ARHGAP18: variants seen among roughly 807,000 people sequenced by gnomAD.
ARHGAP18 encodes the protein Rho GTPase activating protein 18, also known as rho GTPase-activating protein 18.
ARHGAP18 carries 67 observed loss-of-function variants against 86.2 expected under a neutral mutation model. The observed-to-expected ratio is 0.78, with a 90% CI of 0.64 to 0.95. The LOEUF is 0.95. Among genes scored for constraint, ARHGAP18 ranks in the 40% least tolerant of loss-of-function variants. The probability of loss-of-function intolerance (pLI) is 0.00; values close to 1 mark genes in which losing one functional copy is unlikely to be tolerated. For synonymous variants in ARHGAP18, 283 were observed against 280.4 expected, an observed-to-expected ratio of 1.01 and a Z score of -0.09; for missense variants, 691 against 780.4, an observed-to-expected ratio of 0.89 and a Z score of 1.37.
At chr6:129,683,549 A>T (rs1774365190) in intron 1 of ARHGAP18, among the ~76,000 whole-genome samples, 1 of 152,244 alleles carries the variant, frequency 6.6e-6, no homozygotes. Flanking sequence ...ATTTACGTAT[A>T]AACAACCAAT....
intron 7 of ARHGAP18, among the ~76,000 whole-genome samples, chr6:129,615,560 G>T (rs1349418040): frequency 6.6e-6 from 1 of 152,188 alleles, no homozygotes; most frequent in Non-Finnish European, 1.5e-5. Context: ...ATATGCCTGG[G>T]CTGCTGCAAA....
At chr6:129,666,690 A>T (rs1419829273) in intron 1 of ARHGAP18, among the ~76,000 whole-genome samples, 1 of 152,158 alleles carries the variant, frequency 6.6e-6, no homozygotes, top group African/African-American at 2.4e-5. Flanking sequence ...TTATAAACTG[A>T]TTTACATCCT....
intron 3 of ARHGAP18, 141 bp downstream of exon 3, chr6:129,638,251 CTT>C (rs1201532632): frequency 2.3e-5 from 19 of 813,404 alleles, no homozygotes; most frequent in South Asian, 3.4e-5. Flanking sequence ...GCAAGTCTCT[CTT>C]GTTTCCTGCA....
chr6:129,627,134 T>G (rs958112366), intron 5 of ARHGAP18, among the ~76,000 whole-genome samples: 2 of 152,120 alleles, frequency 1.3e-5, no homozygotes, highest in Non-Finnish European at 2.9e-5. Flanking sequence ...TTTACAAATA[T>G]ATATAATTCC....
At chr6:129,625,900 A>G (rs1472424942) in intron 5 of ARHGAP18, among the ~76,000 whole-genome samples, 2 of 73,944 alleles carry the variant, frequency 2.7e-5, no homozygotes, top group African/African-American at 5.2e-5. Context: ...TATATTATAT[A>G]TTTATATATT....
In ARHGAP18 at chr6:129,576,928, G is replaced by A. The variant is rs756334107; in HGVS notation, c.*1585C>T. On this transcript the variant is annotated 3_prime_UTR_variant, in exon 15 of 15. Coordinates refer to ENST00000368149, the MANE Select transcript of ARHGAP18 (RefSeq NM_033515.3). Reference sequence around the variant, plus strand: ...TTGTAAAAGGAAAAAAACTAAAGACGAAAACATATTTACATCTCTGACATC... The same window carrying A: ...TTGTAAAAGGAAAAAAACTAAAGACAAAAACATATTTACATCTCTGACATC... 3.1e-4 allele frequency: 47 copies of A among 151,796 alleles called. 1 individual carries two copies. The highest frequency in any genetic ancestry group is 5.0e-4 in the Non-Finnish European group (34 of 67,896). 9.4% of individuals were successfully genotyped at this position (151,796 alleles called of 1,614,324 possible). A position where few individuals can be genotyped will look rare whatever the true frequency, so the allele number is the denominator to read the frequency against.
intron 12 of ARHGAP18, among the ~76,000 whole-genome samples, chr6:129,589,936 G>A (rs932254182): frequency 6.6e-6 from 1 of 152,188 alleles, no homozygotes; most frequent in Non-Finnish European, 1.5e-5. Context: ...ATTGGTGTAA[G>A]TCCAAGGGTC....
chr6:129,683,633 G>A (rs2114539428), intron 1 of ARHGAP18, among the ~76,000 whole-genome samples: 1 of 152,278 alleles, frequency 6.6e-6, no homozygotes, highest in South Asian at 2.1e-4. Flanking sequence ...GAAGAAAAAA[G>A]CCCTGATGAG....
At chr6:129,639,094 A>G (rs1003349916) in intron 2 of ARHGAP18, among the ~76,000 whole-genome samples, 3 of 152,222 alleles carry the variant, frequency 2.0e-5, no homozygotes, top group Non-Finnish European at 4.4e-5. Flanking sequence ...GAAGTGCAGC[A>G]AAGAAGTTAA....
intron 1 of ARHGAP18, among the ~76,000 whole-genome samples, chr6:129,658,674 C>A (rs1185497140): frequency 1.3e-5 from 2 of 152,170 alleles, no homozygotes; most frequent in Non-Finnish European, 2.9e-5. Flanking sequence ...TTATAGGTAA[C>A]AGTAACATCT....
chr6:129,674,497 G>A (rs536371890), intron 1 of ARHGAP18, among the ~76,000 whole-genome samples: 7 of 152,330 alleles, frequency 4.6e-5, no homozygotes, highest in Non-Finnish European at 1.0e-4. Flanking sequence ...TGTGGATTCA[G>A]CCAACCATGG....
At chr6:129,662,037 C>T (rs370586779) in intron 1 of ARHGAP18, 2 of 397,842 alleles carry the variant, frequency 5.0e-6, no homozygotes, top group African/African-American at 4.3e-5. Flanking sequence ...AAGATCCACG[C>T]AAGCTGCAGC....
Position 129,638,597 on chromosome 6 carries a change from C to T in ARHGAP18, c.349G>A (p.Ala117Thr), listed in dbSNP as rs375107476. Residue 117 changes from alanine to threonine, a missense_variant, in exon 3 of 15, where the codon GCC (alanine) becomes ACC (threonine). Ala to Thr is a moderately conservative substitution (Grantham distance 58). Transcript: ENST00000368149. ...TCTCCGAAGAGATTGGATAAACCGG[C>T]CTCTTTAAGCCACTCTTCTTCCAAT... ...GELEEEWLKE[A>T]GLSNLFGESA... 4 of 1,614,006 alleles carry T rather than the reference C, an allele frequency of 2.5e-6. No homozygotes were observed. The highest frequency in any genetic ancestry group is 3.4e-6 in the Non-Finnish European group (4 of 1,179,994).
chr6:129,581,471 TC>T (rs2114424804), intron 13 of ARHGAP18, among the ~76,000 whole-genome samples: 1 of 152,170 alleles, frequency 6.6e-6, no homozygotes, highest in East Asian at 1.9e-4. Flanking sequence ...CTAAAGAGAG[TC>T]CCTATTTCTG....
At chr6:129,699,089 G>A (rs1282441529) in intron 1 of ARHGAP18, among the ~76,000 whole-genome samples, 2 of 151,948 alleles carry the variant, frequency 1.3e-5, no homozygotes, top group South Asian at 2.1e-4. Context: ...CACCAACCTC[G>A]GCCTCCCAAA....
At position 129,641,308 on chromosome 6, in the gene ARHGAP18, G is replaced by C. The variant is rs74410829; in HGVS notation, c.316+508C>G. The stretch of plus-strand genomic sequence containing the variant: ...TATGAAAGGCTATCATGTAAAAATA[G>C]AAGAGCCTTCTTCTGTTCGTCCCAA... On this transcript the variant is annotated intron_variant, in intron 2 of 14. Coordinates refer to ENST00000368149, the MANE Select transcript of ARHGAP18 (RefSeq NM_033515.3). 1.0e-3 allele frequency among the ~76,000 whole-genome samples: 154 copies of C among 152,328 alleles called. 2 individuals carry two copies. The highest frequency in any genetic ancestry group is 3.5e-3 in the African/African-American group (147 of 41,584).
intron 2 of ARHGAP18, 79 bp downstream of exon 2, chr6:129,641,737 T>C (rs1773468379): frequency 7.5e-7 from 1 of 1,325,274 alleles, no homozygotes; most frequent in Admixed American, 2.3e-5. Context: ...AATTTTTTTT[T>C]TGTTCTCTTC....
chr6:129,632,227 G>C (rs1773233803), intron 4 of ARHGAP18, among the ~76,000 whole-genome samples: 1 of 152,166 alleles, frequency 6.6e-6, no homozygotes. Context: ...GTGCAATAGG[G>C]AATACTCAGT....
At chr6:129,605,079 T>C (rs1378218274) in intron 10 of ARHGAP18, among the ~76,000 whole-genome samples, 3 of 152,280 alleles carry the variant, frequency 2.0e-5, no homozygotes, top group East Asian at 3.9e-4. Context: ...TTTACCCATA[T>C]AAAAAATATT....
Sources: allele counts gnomAD v4.1 joint callset (sites outside exome capture counted in the v4.1 genomes callset), GRCh38; gene constraint gnomAD v4.1.1; transcripts MANE v1.5; gene names NCBI Gene and HGNC (gene_info 2026-07-23, HGNC 2026-07-21).